GRHL2: variants seen among roughly 807,000 people sequenced by gnomAD.
The protein encoded by GRHL2 is grainyhead-like protein 2 homolog.
Under a neutral mutation model 83.8 loss-of-function variants are expected in GRHL2, and 21 were observed. That is an observed-to-expected ratio of 0.25 (90% CI 0.18 to 0.36). The LOEUF is 0.36. Ranked by LOEUF, GRHL2 falls within the 10% of genes least tolerant of loss-of-function variation. GRHL2 has a pLI of 1.00. For missense variants in GRHL2, 623 were observed against 781.8 expected (o/e 0.80, Z 2.42); for synonymous variants, 280 against 278.9 (o/e 1.00, Z -0.04).
intron 1 of GRHL2, among the ~76,000 whole-genome samples, chr8:101,522,833 T>G (rs1810716788): frequency 6.6e-6 from 1 of 151,770 alleles, no homozygotes; most frequent in Non-Finnish European, 1.5e-5. Context: ...TAACTTGCTT[T>G]TTTTTTTAAC....
chr8:101,590,319 C>CA (rs978745527), intron 7 of GRHL2, among the ~76,000 whole-genome samples: 2 of 152,050 alleles, frequency 1.3e-5, no homozygotes, highest in African/African-American at 2.4e-5. Flanking sequence ...TGAAAACAGA[C>CA]AAAAAAATCT....
At chr8:101,549,922 A>T (rs946862143) in intron 2 of GRHL2, among the ~76,000 whole-genome samples, 9 of 151,872 alleles carry the variant, frequency 5.9e-5, no homozygotes, top group Non-Finnish European at 1.2e-4. Context: ...TTTTTAAAAC[A>T]CTATAGGAAT....
intron 8 of GRHL2, 26 bp from the exon 9 acceptor site, chr8:101,619,513 G>A: frequency 6.2e-7 from 1 of 1,611,428 alleles, no homozygotes; most frequent in Non-Finnish European, 8.5e-7. Flanking sequence ...GTTGACTTGT[G>A]AACTTTTTCT....
At chr8:101,593,300 T>C (rs1211384504) in intron 7 of GRHL2, among the ~76,000 whole-genome samples, 1 of 152,206 alleles carries the variant, frequency 6.6e-6, no homozygotes, top group Non-Finnish European at 1.5e-5. Flanking sequence ...GCATCATGCC[T>C]GTTTTGGGAA....
At chr8:101,503,980 GATAA>G (rs1288128123) in intron 1 of GRHL2, among the ~76,000 whole-genome samples, 1 of 151,978 alleles carries the variant, frequency 6.6e-6, no homozygotes, top group Non-Finnish European at 1.5e-5. Context: ...TGTAATTAAG[GATAA>G]ATTTTATTTA....
chr8:101,518,711 C>T (rs760818632), intron 1 of GRHL2, among the ~76,000 whole-genome samples: 2 of 152,176 alleles, frequency 1.3e-5, no homozygotes, highest in African/African-American at 2.4e-5. Context: ...AGTATGAGAT[C>T]GTTCTGTGCT....
In GRHL2 at chr8:101,640,310, AT is replaced by A. The variant is rs199523306; in HGVS notation, c.1517+3391del. 1.2e-4 allele frequency among the ~76,000 whole-genome samples: 18 copies of A among 151,880 alleles called. No individual in the cohort carries two copies. The South Asian group carries it at 1.9e-3, about 16-fold the overall frequency. On this transcript the variant is annotated intron_variant, in intron 12 of 15. Transcript: ENST00000646743. ...AGAATGTCCTGACACACAGAATTTG[AT>A]TTTTTTTTAAATCATAGCTATTGTT...
intron 8 of GRHL2, among the ~76,000 whole-genome samples, chr8:101,608,936 G>C (rs957498798): frequency 6.7e-6 from 1 of 150,216 alleles, no homozygotes; most frequent in Non-Finnish European, 1.5e-5. Context: ...AGGGAACAAG[G>C]GGGTGTCCAA....
chr8:101,520,753 A>G (rs1313100887), intron 1 of GRHL2, among the ~76,000 whole-genome samples: 2 of 152,200 alleles, frequency 1.3e-5, no homozygotes. Flanking sequence ...CTTAAGTTTC[A>G]TCAGACACTG....
rs1198592376 is a variant in GRHL2 at position 101,492,624 on chromosome 8, G to A, written c.-146G>A. The A allele has an allele frequency of 1.3e-6, 1 of 767,512 alleles. No individual in the cohort carries two copies. Among genetic ancestry groups the A allele is most frequent in the Non-Finnish European group, 2.4e-6 (1 of 420,398 alleles). 47.5% of individuals were successfully genotyped at this position (767,512 alleles called of 1,614,324 possible). A position where few individuals can be genotyped will look rare whatever the true frequency, so the allele number is the denominator to read the frequency against. ...GCGGGCGAGCGAGCGAGAGTGGTGA[G>A]GGGGGACGGAAAAGCAGAATTACCT... On this transcript the variant is annotated 5_prime_UTR_variant, in exon 1 of 16. Coordinates refer to ENST00000646743, the MANE Select transcript of GRHL2 (RefSeq NM_024915.4).
intron 6 of GRHL2, among the ~76,000 whole-genome samples, chr8:101,575,400 T>G (rs779376011): frequency 4.8e-4 from 73 of 152,294 alleles, no homozygotes; most frequent in Non-Finnish European, 9.3e-4. Context: ...TAAGAAAATT[T>G]TATTTCTTTA....
chr8:101,496,165 A>AAT (rs1563549968), intron 1 of GRHL2, among the ~76,000 whole-genome samples: 2 of 150,362 alleles, frequency 1.3e-5, no homozygotes, highest in Non-Finnish European at 3.0e-5. Context: ...AAAAAAAAAA[A>AAT]TACAGGTCAT....
intron 2 of GRHL2, among the ~76,000 whole-genome samples, chr8:101,549,047 A>G (rs938395922): frequency 7.2e-5 from 11 of 151,844 alleles, no homozygotes; most frequent in Non-Finnish European, 1.5e-4. Flanking sequence ...TGTACAAGGT[A>G]GGCATAGAGA....
intron 4 of GRHL2, among the ~76,000 whole-genome samples, chr8:101,560,667 T>G (rs1008717631): frequency 2.0e-5 from 3 of 152,170 alleles, no homozygotes; most frequent in African/African-American, 7.2e-5. Context: ...TTGCCAAAAT[T>G]TGGTAACTTT....
chr8:101,504,638 GT>G (rs199515988), intron 1 of GRHL2, among the ~76,000 whole-genome samples: 30 of 147,220 alleles, frequency 2.0e-4, no homozygotes, highest in South Asian at 4.4e-4. Context: ...GCAAGGTCGG[GT>G]TTTTTTTTTG....
In GRHL2 at chr8:101,558,681, C is replaced by G; in HGVS notation, c.547C>G (p.Arg183Gly). 6.8e-6 allele frequency: 11 copies of G among 1,614,130 alleles called. No individual in the cohort carries two copies. Among genetic ancestry groups the G allele is most frequent in the Non-Finnish European group, 9.3e-6 (11 of 1,180,024 alleles). The change falls in exon 4 of 16, where the codon CGA becomes GGA. Residue 183 changes from arginine to glycine, a missense_variant. By Grantham distance (125) the Arg-to-Gly change is moderately radical. Transcript: ENST00000646743. Reference protein sequence around the residue: ...HYPRGDGEEQRVVIFEQTQYD... With the variant: ...HYPRGDGEEQGVVIFEQTQYD... Reference sequence around the variant, plus strand: ...TCCCCGGGGAGATGGGGAAGAGCAACGAGTGGTTATCTTTGAACAGACTCA... The same window carrying G: ...TCCCCGGGGAGATGGGGAAGAGCAAGGAGTGGTTATCTTTGAACAGACTCA...
At chr8:101,554,172 C>T (rs766565085) in intron 3 of GRHL2, among the ~76,000 whole-genome samples, 2 of 152,274 alleles carry the variant, frequency 1.3e-5, no homozygotes, top group East Asian at 1.9e-4. Context: ...ATCTCCAGGG[C>T]GCAACCCCAG....
chr8:101,505,128 C>T (rs867413021), intron 1 of GRHL2, among the ~76,000 whole-genome samples: 1 of 152,132 alleles, frequency 6.6e-6, no homozygotes, highest in Non-Finnish European at 1.5e-5. Context: ...ACATTTTGGC[C>T]GTGTGCTCAA....
intron 8 of GRHL2, among the ~76,000 whole-genome samples, chr8:101,602,702 C>T (rs544363238): frequency 6.6e-6 from 1 of 152,312 alleles, no homozygotes; most frequent in Admixed American, 6.5e-5. Context: ...TGGGCTCTTT[C>T]TTTATTGCTT....
Sources: allele counts gnomAD v4.1 joint callset (sites outside exome capture counted in the v4.1 genomes callset), GRCh38; gene constraint gnomAD v4.1.1; transcripts MANE v1.5; gene names NCBI Gene and HGNC (gene_info 2026-07-23, HGNC 2026-07-21).